The following TRIO variants were observed in gnomAD, a reference collection of about 807,000 sequenced individuals.
TRIO encodes the protein triple functional domain protein.
A neutral mutation model predicts 351.9 loss-of-function variants in TRIO; 58 were observed. The observed-to-expected ratio is 0.16, with a 90% CI of 0.13 to 0.21. The LOEUF (loss-of-function observed/expected upper bound fraction) is 0.21. Among genes scored for constraint, TRIO ranks in the 10% least tolerant of loss-of-function variants. TRIO has a pLI of 1.00. For missense variants in TRIO, 3,201 were observed against 4,027.8 expected (o/e 0.79, Z 5.56); for synonymous variants, 1,758 against 1,595.7 (o/e 1.10, Z -2.42).
At chr5:14,420,623 A>T (rs1290073920) in intron 34 of TRIO, 1 of 153,266 alleles carries the variant, frequency 6.5e-6, no homozygotes, top group Non-Finnish European at 1.5e-5. Flanking sequence ...ATTTCTGGTG[A>T]AGCTGCCCAT....
At chr5:14,480,627 T>C (rs893009307) in intron 43 of TRIO, among the ~76,000 whole-genome samples, 3 of 152,210 alleles carry the variant, frequency 2.0e-5, no homozygotes, top group Non-Finnish European at 4.4e-5. Context: ...TGTATTGATA[T>C]TCCTTCGTGT....
At chr5:14,366,379 CATACCTTGGTTATT>C (rs1215759822) in intron 15 of TRIO, among the ~76,000 whole-genome samples, 1 of 151,956 alleles carries the variant, frequency 6.6e-6, no homozygotes, top group Non-Finnish European at 1.5e-5. Flanking sequence ...CAATGTTATT[CATACCTTGGTTATT>C]ATGCCATTCA....
Position 14,489,214 on chromosome 5 carries a change from T to C in TRIO, c.7632+954T>C, listed in dbSNP as rs1488914099. ...TGTCTTTCTCTTTCCTCTGGACTTA[T>C]TAATGCCTTAATTGGTTTGACTTGG... On this transcript the variant is annotated intron_variant, in intron 48 of 56. Transcript: ENST00000344204. 7 of 551,012 alleles carry C rather than the reference T, an allele frequency of 1.3e-5. No individual in the cohort carries two copies. The East Asian group carries it at 1.4e-4, about 11-fold the overall frequency. The allele number at this position is 551,012 out of a possible 1,614,324, so 34.1% of individuals were successfully genotyped here. A position where few individuals can be genotyped will look rare whatever the true frequency, so the allele number is the denominator to read the frequency against.
At chr5:14,441,811 C>G (rs1011447335) in intron 34 of TRIO, among the ~76,000 whole-genome samples, 1 of 152,154 alleles carries the variant, frequency 6.6e-6, no homozygotes, top group African/African-American at 2.4e-5. Context: ...TCCATGAGAA[C>G]TACAGCCATA....
At chr5:14,505,933 A>T (rs76711741) in intron 55 of TRIO, among the ~76,000 whole-genome samples, 3,038 of 152,344 alleles carry the variant, frequency 0.02, 82 homozygotes, top group African/African-American at 0.059. Flanking sequence ...GCCTGGCCTC[A>T]GTCCCCGCCC....
At chr5:14,291,301 A>G in intron 5 of TRIO, 73 bp downstream of exon 5, 4 of 1,508,084 alleles carry the variant, frequency 2.7e-6, no homozygotes, top group Non-Finnish European at 3.6e-6. Flanking sequence ...GTGGAAGGAA[A>G]GAGAAAAGGT....
chr5:14,290,514 A>G (rs930046283), intron 4 of TRIO, among the ~76,000 whole-genome samples: 13 of 152,234 alleles, frequency 8.5e-5, no homozygotes, highest in African/African-American at 2.9e-4. Context: ...ATGTGTTGCT[A>G]TAATGGATTT....
intron 1 of TRIO, among the ~76,000 whole-genome samples, chr5:14,198,729 A>G (rs972855320): frequency 1.3e-5 from 2 of 152,184 alleles, no homozygotes; most frequent in Non-Finnish European, 2.9e-5. Context: ...AGTCAAGTCC[A>G]TAGTGACTGT....
intron 1 of TRIO, among the ~76,000 whole-genome samples, chr5:14,150,240 A>G (rs1055917681): frequency 3.9e-5 from 6 of 152,106 alleles, no homozygotes; most frequent in African/African-American, 1.4e-4. Context: ...GTTCCTTTAT[A>G]TGACACTGGC....
chr5:14,453,468 C>T (rs539865264), intron 34 of TRIO, among the ~76,000 whole-genome samples: 15 of 152,342 alleles, frequency 9.8e-5, no homozygotes, highest in Admixed American at 9.1e-4. Context: ...TGGGTACTCA[C>T]AGTTGATGTA....
intron 34 of TRIO, among the ~76,000 whole-genome samples, chr5:14,450,612 A>G (rs1195720204): frequency 6.6e-6 from 1 of 152,236 alleles, no homozygotes; most frequent in Non-Finnish European, 1.5e-5. Flanking sequence ...TTTGAAAGCA[A>G]AGACAGAGTT....
intron 48 of TRIO, among the ~76,000 whole-genome samples, chr5:14,489,610 G>A (rs1240136177): frequency 1.3e-5 from 2 of 152,200 alleles, no homozygotes; most frequent in African/African-American, 2.4e-5. Context: ...TCATAGCCTG[G>A]ACACATTCCC....
chr5:14,229,182 A>G (rs1333378448), intron 1 of TRIO, among the ~76,000 whole-genome samples: 1 of 151,796 alleles, frequency 6.6e-6, no homozygotes, highest in East Asian at 1.9e-4. Flanking sequence ...GTCTGTTCAT[A>G]CCCTGATCTA....
chr5:14,278,791 A>G (rs1200562426), intron 2 of TRIO, among the ~76,000 whole-genome samples: 3 of 152,206 alleles, frequency 2.0e-5, no homozygotes, highest in Admixed American at 6.5e-5. Context: ...CTCATGTTTA[A>G]TAGTACTTTT....
chr5:14,150,314 G>A (rs1189098308), intron 1 of TRIO, among the ~76,000 whole-genome samples: 1 of 152,040 alleles, frequency 6.6e-6, no homozygotes, highest in Admixed American at 6.6e-5. Flanking sequence ...TAGGGGGTGG[G>A]GGAGTATGGC....
intron 43 of TRIO, among the ~76,000 whole-genome samples, 185 bp downstream of exon 43, chr5:14,480,196 ACT>A (rs1755411071): frequency 6.6e-6 from 1 of 152,016 alleles, no homozygotes; most frequent in Admixed American, 6.5e-5. Context: ...GGCGGGACAG[ACT>A]CTGGTGTCAG....
At chr5:14,443,741 G>T (rs2126368199) in intron 34 of TRIO, among the ~76,000 whole-genome samples, 1 of 152,332 alleles carries the variant, frequency 6.6e-6, no homozygotes, top group East Asian at 1.9e-4. Context: ...CATTGCCATT[G>T]TCAATAACTT....
chr5:14,459,496 C>T (rs527535115), intron 34 of TRIO, among the ~76,000 whole-genome samples: 2 of 152,244 alleles, frequency 1.3e-5, no homozygotes, highest in African/African-American at 2.4e-5. Flanking sequence ...CTTTCACGCT[C>T]ACTGGTGTGC....
intron 49 of TRIO, among the ~76,000 whole-genome samples, chr5:14,495,335 T>C (rs1756802307): frequency 6.6e-6 from 1 of 152,210 alleles, no homozygotes; most frequent in Non-Finnish European, 1.5e-5. Context: ...TGAACACTGT[T>C]GAAATATTGG....
Sources: gnomAD v4.1 joint callset for allele counts (sites outside exome capture counted in the v4.1 genomes callset) on GRCh38, gnomAD v4.1.1 for gene constraint, MANE v1.5 for transcripts, NCBI Gene and HGNC (gene_info 2026-07-23, HGNC 2026-07-21) for gene names.